ZNF445: variants seen among roughly 807,000 people sequenced by gnomAD.
ZNF445 encodes zinc finger protein 168.
Under a neutral mutation model 93.9 loss-of-function variants are expected in ZNF445, and 19 were observed. The ratio of observed to expected loss-of-function variants is 0.20; its 90% CI spans 0.14 to 0.30. The LOEUF (loss-of-function observed/expected upper bound fraction) is 0.30. ZNF445 is among the 10% of genes least tolerant of loss of function. The probability of loss-of-function intolerance (pLI) is 1.00; values close to 1 mark genes in which losing one functional copy is unlikely to be tolerated. For synonymous variants in ZNF445, 449 were observed against 446.3 expected, an observed-to-expected ratio of 1.01 and a Z score of -0.08; for missense variants, 1,058 against 1,259.4, an observed-to-expected ratio of 0.84 and a Z score of 2.42.
rs560374972 is a variant in ZNF445 at position 44,437,753 on chromosome 3, T to C, written c.*8822A>G. On this transcript the variant is annotated 3_prime_UTR_variant, in exon 8 of 8. Transcript: ENST00000396077. ...TTTCTTTGGGGTTGGGGGGATTTCTTCAGTATCATCCTTTCTGTGGTTTGC... is the reference window on the plus strand; with the variant it reads ...TTTCTTTGGGGTTGGGGGGATTTCTCCAGTATCATCCTTTCTGTGGTTTGC... 9 of 152,350 alleles carry C rather than the reference T, an allele frequency of 5.9e-5. No homozygotes were observed. The highest frequency in any genetic ancestry group is 2.2e-4 in the African/African-American group (9 of 41,580). 9.4% of individuals were successfully genotyped at this position (152,350 alleles called of 1,614,324 possible). A position where few individuals can be genotyped will look rare whatever the true frequency, so the allele number is the denominator to read the frequency against.
At position 44,451,434 on chromosome 3, in the gene ZNF445, C is replaced by T. The variant is rs1362790716; in HGVS notation, c.478G>A (p.Ala160Thr). Residue 160 changes from alanine to threonine, a missense_variant, in exon 4 of 8, where the codon GCC becomes ACC. By Grantham distance (58) the Ala-to-Thr change is moderately conservative (BLOSUM62 0). Transcript: ENST00000396077. ...SPDVHWMGTG[A>T]LRSAQIWSLA... is the part of the protein sequence containing the mutation. ...GACCATATCTGTGCAGATCGCAGGGCTCCTGTACCCATCCAATGCACATCT... is the reference window on the plus strand; with the variant it reads ...GACCATATCTGTGCAGATCGCAGGGTTCCTGTACCCATCCAATGCACATCT... 1 of 1,613,376 alleles carries T rather than the reference C, an allele frequency of 6.2e-7. No homozygotes were observed. Among genetic ancestry groups the T allele is most frequent in the Non-Finnish European group, 8.5e-7 (1 of 1,179,530 alleles).
At chr3:44,462,122 T>C (rs1698122702) in intron 1 of ZNF445, among the ~76,000 whole-genome samples, 1 of 152,192 alleles carries the variant, frequency 6.6e-6, no homozygotes, top group Admixed American at 6.5e-5. Flanking sequence ...GCTAAGAATT[T>C]GTCTGTGTTC....
At position 44,431,815 on chromosome 3, in the gene ZNF445, C is replaced by G. The variant is rs1309456600; in HGVS notation, c.*14760G>C. On this transcript the variant is annotated 3_prime_UTR_variant, in exon 8 of 8. Coordinates refer to ENST00000396077, the MANE Select transcript of ZNF445 (RefSeq NM_181489.6). Reference sequence around the variant, plus strand: ...AAGATGTCTATAACAGTGGTAAATACTGTGTAAAGGTTGTCGGCTACTTCT... The same window carrying G: ...AAGATGTCTATAACAGTGGTAAATAGTGTGTAAAGGTTGTCGGCTACTTCT... 6.6e-6 allele frequency: 1 copy of G among 152,156 alleles called. No individual in the cohort carries two copies. The highest frequency in any genetic ancestry group is 1.5e-5 in the Non-Finnish European group (1 of 68,034). 9.4% of individuals were successfully genotyped at this position (152,156 alleles called of 1,614,324 possible).
intron 7 of ZNF445, 40 bp downstream of exon 7, chr3:44,449,473 A>G: frequency 6.8e-7 from 1 of 1,472,986 alleles, no homozygotes; most frequent in Non-Finnish European, 9.5e-7. Context: ...GAAAAGTAAA[A>G]GCAGGAGGAG....
At chr3:44,463,737 C>T (rs1698153278) in intron 1 of ZNF445, among the ~76,000 whole-genome samples, 2 of 152,172 alleles carry the variant, frequency 1.3e-5, no homozygotes, top group Admixed American at 6.5e-5. Context: ...AACATCCCCA[C>T]CCAGAACTGG....
At chr3:44,463,011 TTGTGTGTGTGTGTG>T (rs61329186) in intron 1 of ZNF445, among the ~76,000 whole-genome samples, 37 of 144,550 alleles carry the variant, frequency 2.6e-4, no homozygotes, top group African/African-American at 4.1e-4. Flanking sequence ...ATTTTTTTCT[TTGTGTGTGTGTGTG>T]TGTGTGTGTG....
chr3:44,450,218 T>C, intron 6 of ZNF445: 1 of 536,644 alleles, frequency 1.9e-6, no homozygotes, highest in Admixed American at 3.2e-5. Flanking sequence ...GGATTACAGG[T>C]GTGAGCTACC....
intron 1 of ZNF445, among the ~76,000 whole-genome samples, chr3:44,465,924 C>CA (rs1320066787): frequency 4.6e-5 from 7 of 151,902 alleles, no homozygotes; most frequent in Admixed American, 6.6e-5. Flanking sequence ...AAAAAAAAAC[C>CA]AAAAAACAAA....
chr3:44,468,811 C>T (rs2125685218), intron 1 of ZNF445, among the ~76,000 whole-genome samples: 1 of 152,250 alleles, frequency 6.6e-6, no homozygotes, highest in Admixed American at 6.5e-5. Flanking sequence ...CTTTGCTCCG[C>T]AAATGCTGGG....
chr3:44,446,439 C>A lies in ZNF445; in HGVS notation c.*136G>T. ...CTGGGGACTCCCCGAGCTTTCAAAT[C>A]CTTGGGATTCTGTCACTAGCTTCCA... On this transcript the variant is annotated 3_prime_UTR_variant, in exon 8 of 8. Coordinates refer to ENST00000396077, the MANE Select transcript of ZNF445 (RefSeq NM_181489.6). This position sits in a 1 kb window ranked among gnomAD's most constrained non-coding sequence, Gnocchi z 4.2. 7.4e-7 allele frequency: 1 copy of A among 1,349,702 alleles called. No individual in the cohort carries two copies. The highest frequency in any genetic ancestry group is 2.3e-5 in the East Asian group (1 of 43,126). The allele number at this position is 1,349,702 out of a possible 1,614,324, so 83.6% of individuals were successfully genotyped here.
At chr3:44,472,283 T>C (rs1698280081) in intron 1 of ZNF445, among the ~76,000 whole-genome samples, 1 of 152,118 alleles carries the variant, frequency 6.6e-6, no homozygotes, top group African/African-American at 2.4e-5. Flanking sequence ...CAAAAATAAG[T>C]CTCCAAGCAG....
chr3:44,446,306 G>C lies in ZNF445; in HGVS notation c.*269C>G. The C allele has an allele frequency of 2.2e-6, 1 of 461,858 alleles. No individual in the cohort carries two copies. Among genetic ancestry groups the C allele is most frequent in the South Asian group, 2.5e-5 (1 of 39,300 alleles). 28.6% of individuals were successfully genotyped at this position (461,858 alleles called of 1,614,324 possible). A position where few individuals can be genotyped will look rare whatever the true frequency, so the allele number is the denominator to read the frequency against. ...AGTTGTGGAAGGAGACCTGAATAGGGGAGCCGCAGGCTATGGTGCAGAGGC... is the reference window on the plus strand; with the variant it reads ...AGTTGTGGAAGGAGACCTGAATAGGCGAGCCGCAGGCTATGGTGCAGAGGC... On this transcript the variant is annotated 3_prime_UTR_variant, in exon 8 of 8. Coordinates refer to ENST00000396077, the MANE Select transcript of ZNF445 (RefSeq NM_181489.6). The surrounding 1 kb of genome is among the most constrained non-coding windows in gnomAD (Gnocchi z 4.2).
At chr3:44,476,780 G>C (rs1019216677) in intron 1 of ZNF445, among the ~76,000 whole-genome samples, 1 of 152,132 alleles carries the variant, frequency 6.6e-6, no homozygotes, top group Admixed American at 6.6e-5. Flanking sequence ...CATTGTGAAA[G>C]ATAACCACCC....
rs757627365 is a variant in ZNF445, at chr3:44,450,851, A to T, written c.693+17T>A. 2.4e-5 allele frequency: 37 copies of T among 1,542,864 alleles called. No homozygotes were observed. Among genetic ancestry groups the T allele is most frequent in the Non-Finnish European group, 2.9e-5 (33 of 1,146,526 alleles). ...GACGTGGGGACATCAGGAAGGACCA[A>T]ATGTTCTGTGGCTCACCTGGAGCTG... On this transcript the variant is annotated intron_variant, in intron 5 of 7. Transcript: ENST00000396077.
rs1328578385 is a variant in ZNF445 at position 44,432,931 on chromosome 3, T to C, written c.*13644A>G. On this transcript the variant is annotated 3_prime_UTR_variant, in exon 8 of 8. Transcript: ENST00000396077. ...GTGTCTGCTTCCTTTTCATTAAAAT[T>C]CTGCTCATGGATTCATCCCTGCAGT... The C allele has an allele frequency of 6.6e-6, 1 of 152,178 alleles. No homozygotes were observed. The highest frequency in any genetic ancestry group is 1.5e-5 in the Non-Finnish European group (1 of 68,050). 9.4% of individuals were successfully genotyped at this position (152,178 alleles called of 1,614,324 possible). A position where few individuals can be genotyped will look rare whatever the true frequency, so the allele number is the denominator to read the frequency against.
intron 1 of ZNF445, among the ~76,000 whole-genome samples, chr3:44,469,317 T>C (rs1220048807): frequency 6.6e-6 from 1 of 152,132 alleles, no homozygotes; most frequent in East Asian, 1.9e-4. Flanking sequence ...AATGTGTTGG[T>C]CCCTCGTGGC....
intron 3 of ZNF445, among the ~76,000 whole-genome samples, chr3:44,454,723 G>C (rs1221805146): frequency 6.6e-6 from 1 of 152,048 alleles, no homozygotes; most frequent in African/African-American, 2.4e-5. Flanking sequence ...ACTATGCCTG[G>C]CCTAATTTTT....
At chr3:44,463,997 G>A (rs1053134459) in intron 1 of ZNF445, among the ~76,000 whole-genome samples, 4 of 152,108 alleles carry the variant, frequency 2.6e-5, no homozygotes, top group Admixed American at 6.6e-5. Context: ...GTAGTGGTGC[G>A]TGCCTGTAGT....
chr3:44,447,488 T>C lies in ZNF445; in HGVS notation c.2183A>G (p.Lys728Arg), dbSNP rs1697894531. 2 of 1,614,102 alleles carry C rather than the reference T, an allele frequency of 1.2e-6. No individual in the cohort carries two copies. The highest frequency in any genetic ancestry group is 1.7e-5 in the Admixed American group (1 of 60,014). The change falls in exon 8 of 8, where the codon AAG (lysine) becomes AGG (arginine). Residue 728 changes from lysine (K) to arginine (R), a missense_variant. Transcript: ENST00000396077. This position sits in a 1 kb window ranked among gnomAD's most constrained non-coding sequence, Gnocchi z 4.7. ...TTTTCTTTTCATGGCATGCTTCTTC[T>C]TATGAACAATAAAGGCTGACCTATA... is the stretch of plus-strand genomic sequence containing the variant. ...FAYRSAFIVH[K>R]KKHAMKRKPE... is the part of the protein sequence containing the mutation.
Sources: gnomAD v4.1 joint callset for allele counts (sites outside exome capture counted in the v4.1 genomes callset) on GRCh38, gnomAD v4.1.1 for gene constraint, Gnocchi (gnomAD v3.1) non-coding constraint, MANE v1.5 for transcripts, NCBI Gene and HGNC (gene_info 2026-07-23, HGNC 2026-07-21) for gene names.